Variants in BDNF observed in about 807,000 individuals in gnomAD.
BDNF encodes neurotrophic factor BDNF precursor form.
A neutral mutation model predicts 19.5 loss-of-function variants in BDNF; 1 was observed. The ratio of observed to expected loss-of-function variants is 0.05; its 90% CI spans 0.02 to 0.24. The LOEUF is 0.24. Ranked by LOEUF, BDNF falls within the 10% of genes least tolerant of loss-of-function variation. The probability of loss-of-function intolerance (pLI) is 1.00; values close to 1 mark genes in which losing one functional copy is unlikely to be tolerated. For synonymous variants in BDNF, 100 were observed against 121.6 expected, an observed-to-expected ratio of 0.82 and a Z score of 1.17; for missense variants, 195 against 317.6, an observed-to-expected ratio of 0.61 and a Z score of 2.93.
At chr11:27,699,459 CG>C (rs1859631900) in intron 1 of BDNF, 6 of 1,614,162 alleles carry the variant, frequency 3.7e-6, no homozygotes, top group Non-Finnish European at 5.1e-6. Flanking sequence ...AACCACTCCC[CG>C]AAAGTCAAAA....
At chr11:27,664,033 GA>G (rs371569389) in intron 1 of BDNF, among the ~76,000 whole-genome samples, 11,909 of 143,496 alleles carry the variant, frequency 0.083, 587 homozygotes, top group South Asian at 0.25. Context: ...CAGGCATACA[GA>G]AAAAAAAAAA....
chr11:27,710,647 C>G (rs1423462112), intron 1 of BDNF, among the ~76,000 whole-genome samples: 1 of 152,198 alleles, frequency 6.6e-6, no homozygotes, highest in African/African-American at 2.4e-5. Context: ...CTCTTCTTCT[C>G]CATATCTGTA....
At chr11:27,708,847 G>A (rs1468576127) in intron 1 of BDNF, among the ~76,000 whole-genome samples, 1 of 20,280 alleles carries the variant, frequency 4.9e-5, no homozygotes, top group East Asian at 1.3e-3. Context: ...TTTTTTTTTT[G>A]ATACAGAGTC....
At chr11:27,696,249 A>C (rs1858977615) in intron 1 of BDNF, 1 of 152,226 alleles carries the variant, frequency 6.6e-6, no homozygotes, top group Non-Finnish European at 1.5e-5. Flanking sequence ...CTAAGCCTAC[A>C]AATACCAAAG....
chr11:27,658,923 CATG>C lies in BDNF; in HGVS notation c.-21-341_-21-339del. 8.6e-7 allele frequency: 1 copy of C among 1,169,542 alleles called. No individual in the cohort carries two copies. The highest frequency in any genetic ancestry group is 2.3e-5 in the South Asian group (1 of 44,420). The allele number at this position is 1,169,542 out of a possible 1,614,324, so 72.4% of individuals were successfully genotyped here. A position where few individuals can be genotyped will look rare whatever the true frequency, so the allele number is the denominator to read the frequency against. ...AGTTTAATTTTTAATGATCTCTGCTCATGCTGTCACGAGAAACACAAAATCATA... is the reference window on the plus strand; with the variant it reads ...AGTTTAATTTTTAATGATCTCTGCTCCTGTCACGAGAAACACAAAATCATA... On this transcript the variant is annotated intron_variant, in intron 1 of 1. Transcript: ENST00000356660. The surrounding 1 kb of genome is among the most constrained non-coding windows in gnomAD (Gnocchi z 5.7).
chr11:27,716,781 A>G (rs1490755960), intron 1 of BDNF, among the ~76,000 whole-genome samples: 1 of 152,222 alleles, frequency 6.6e-6, no homozygotes, highest in Non-Finnish European at 1.5e-5. Flanking sequence ...TGAGAGAAGT[A>G]TATTTAATAA....
At chr11:27,702,798 G>T (rs1859961984), upstream of BDNF, among the ~76,000 whole-genome samples, 1 of 152,140 alleles carries the variant, frequency 6.6e-6, no homozygotes, top group African/African-American at 2.4e-5. Context: ...CCGATCCTCT[G>T]CCAGGAAATA....
intron 1 of BDNF, among the ~76,000 whole-genome samples, chr11:27,709,325 T>A (rs144089176): frequency 0.016 from 2,455 of 152,222 alleles, 28 homozygotes; most frequent in Non-Finnish European, 0.025. Context: ...AAACTTGAAG[T>A]TTCAAGTTTT....
chr11:27,665,431 G>A (rs915324032), intron 1 of BDNF: 1 of 152,348 alleles, frequency 6.6e-6, no homozygotes, highest in Non-Finnish European at 1.5e-5. Flanking sequence ...CAGACAGTGG[G>A]TACAACCCAC....
chr11:27,694,443 T>C (rs1266805405), intron 1 of BDNF, among the ~76,000 whole-genome samples: 1 of 152,210 alleles, frequency 6.6e-6, no homozygotes, highest in African/African-American at 2.4e-5. Flanking sequence ...AATCTATTAG[T>C]GCATTCAGCA....
chr11:27,663,589 GTAT>G (rs1360877239), intron 1 of BDNF, among the ~76,000 whole-genome samples: 3 of 152,180 alleles, frequency 2.0e-5, no homozygotes, highest in Non-Finnish European at 4.4e-5. Flanking sequence ...GACAGGATGG[GTAT>G]TATTATCCCC....
chr11:27,709,601 A>G (rs1860245894), intron 1 of BDNF, among the ~76,000 whole-genome samples: 1 of 152,196 alleles, frequency 6.6e-6, no homozygotes, highest in Non-Finnish European at 1.5e-5. Context: ...ATATTATTTT[A>G]AGGCCCAGAT....
At chr11:27,711,608 C>G (rs147068991) in intron 1 of BDNF, among the ~76,000 whole-genome samples, 1 of 152,130 alleles carries the variant, frequency 6.6e-6, no homozygotes, top group African/African-American at 2.4e-5. Context: ...ACTTTGGAAC[C>G]AGAAAACTTT....
At chr11:27,660,835 A>T (rs1035814533) in intron 1 of BDNF, among the ~76,000 whole-genome samples, 5 of 151,966 alleles carry the variant, frequency 3.3e-5, no homozygotes, top group Admixed American at 3.3e-4. Context: ...TGCCCACACT[A>T]ACTACTTAAA....
At chr11:27,663,238 G>T (rs1480122035) in intron 1 of BDNF, among the ~76,000 whole-genome samples, 1 of 152,178 alleles carries the variant, frequency 6.6e-6, no homozygotes. Flanking sequence ...GTGTAATATT[G>T]CTAAGCAGAT....
intron 1 of BDNF, among the ~76,000 whole-genome samples, chr11:27,708,840 T>TC (rs1166225911): frequency 4.1e-5 from 6 of 147,746 alleles, no homozygotes; most frequent in African/African-American, 1.5e-4. Flanking sequence ...TTTTTTTTTT[T>TC]TTTTTTGATA....
chr11:27,675,804 A>T (rs1483559888), intron 1 of BDNF: 2 of 152,086 alleles, frequency 1.3e-5, no homozygotes, highest in Non-Finnish European at 1.5e-5. Context: ...ATAGAGCATC[A>T]GACACTCACA....
chr11:27,709,304 G>A (rs979728362), intron 1 of BDNF, among the ~76,000 whole-genome samples: 11 of 152,048 alleles, frequency 7.2e-5, no homozygotes, highest in Non-Finnish European at 1.3e-4. Context: ...TAATAATATA[G>A]GAATCAATGA....
chr11:27,697,902 CAT>C (rs1859310705), intron 1 of BDNF: 1 of 152,152 alleles, frequency 6.6e-6, no homozygotes, highest in Middle Eastern at 3.2e-3. Flanking sequence ...TGCTTCAAAA[CAT>C]GTACGTAAGC....
Sources: gnomAD v4.1 joint callset for allele counts (sites outside exome capture counted in the v4.1 genomes callset) on GRCh38, gnomAD v4.1.1 for gene constraint, Gnocchi (gnomAD v3.1) non-coding constraint, MANE v1.5 for transcripts, NCBI Gene and HGNC (gene_info 2026-07-23, HGNC 2026-07-21) for gene names.